The following MBNL2 variants were observed in gnomAD, a reference collection of about 807,000 sequenced individuals.
MBNL2 encodes the protein muscleblind like splicing regulator 2, also known as muscleblind-like protein 2.
A neutral mutation model predicts 41.9 loss-of-function variants in MBNL2; 17 were observed. The ratio of observed to expected loss-of-function variants is 0.41; its 90% CI spans 0.28 to 0.61. The LOEUF (loss-of-function observed/expected upper bound fraction) is 0.61. Ranked by LOEUF, MBNL2 falls within the 20% of genes least tolerant of loss-of-function variation. MBNL2 has a pLI of 0.35. For missense variants in MBNL2, 336 were observed against 505.6 expected, an observed-to-expected ratio of 0.66 and a Z score of 3.22; for synonymous variants, 195 against 182.9, an observed-to-expected ratio of 1.07 and a Z score of -0.53.
chr13:97,240,809 A>T (rs1162208216), intron 1 of MBNL2, among the ~76,000 whole-genome samples: 1 of 152,192 alleles, frequency 6.6e-6, no homozygotes, highest in Non-Finnish European at 1.5e-5. Context: ...GGAAAGTTTC[A>T]TGTAGTGCAT....
chr13:97,251,602 A>G (rs1330570589), intron 1 of MBNL2, among the ~76,000 whole-genome samples: 2 of 152,126 alleles, frequency 1.3e-5, no homozygotes, highest in African/African-American at 4.8e-5. Context: ...TCTTCTTTGC[A>G]TTGTTTTGTA....
chr13:97,280,459 A>G (rs2053146710), intron 2 of MBNL2, among the ~76,000 whole-genome samples: 1 of 152,210 alleles, frequency 6.6e-6, no homozygotes, highest in Non-Finnish European at 1.5e-5. Context: ...ATGGGGGAAA[A>G]TTGTTTAGAC....
At chr13:97,145,177 A>G in the MBNL2 span, among the ~76,000 whole-genome samples, 1 of 152,194 alleles carries the variant, frequency 6.6e-6, no homozygotes. Flanking sequence ...CCAATGAGCA[A>G]CCTGTGACGG....
chr13:97,187,260 A>G, the MBNL2 span, among the ~76,000 whole-genome samples: 1 of 152,124 alleles, frequency 6.6e-6, no homozygotes, highest in Non-Finnish European at 1.5e-5. Flanking sequence ...TTATTACCAA[A>G]AAGAAGAGAT....
At chr13:97,260,711 T>C (rs2048454250) in intron 1 of MBNL2, among the ~76,000 whole-genome samples, 1 of 152,138 alleles carries the variant, frequency 6.6e-6, no homozygotes, top group South Asian at 2.1e-4. Flanking sequence ...CATAAAACTG[T>C]ACAAAAGAGT....
At chr13:97,195,364 C>T in the MBNL2 span, among the ~76,000 whole-genome samples, 1 of 152,110 alleles carries the variant, frequency 6.6e-6, no homozygotes, top group African/African-American at 2.4e-5. Flanking sequence ...CTATTTAGAA[C>T]ATTTGTCTCT....
chr13:97,311,991 A>G (rs180810907), intron 2 of MBNL2, among the ~76,000 whole-genome samples: 50 of 152,352 alleles, frequency 3.3e-4, no homozygotes, highest in African/African-American at 1.1e-3. Flanking sequence ...CTTGGTGTTA[A>G]CTTGAATGAA....
rs373002827 is a variant in MBNL2 at position 97,343,113 on chromosome 13, C to T, written c.437C>T (p.Thr146Met). 37 of 1,613,826 alleles carry T rather than the reference C, an allele frequency of 2.3e-5. No individual in the cohort carries two copies. Among genetic ancestry groups the T allele is most frequent in the South Asian group, 1.8e-4 (16 of 91,086 alleles). Reference sequence around the variant, plus strand: ...ACCCCTGGAGTTGGGTTGGTCCCAACGGAAATTCTGCCCACCACGCCTGTT... The same window carrying T: ...ACCCCTGGAGTTGGGTTGGTCCCAATGGAAATTCTGCCCACCACGCCTGTT... The part of the protein sequence containing the change: ...PVTPGVGLVP[T>M]EILPTTPVIV... Residue 146 changes from threonine to methionine, a missense_variant, in exon 4 of 9, where the codon ACG becomes ATG. Thr to Met is a moderately conservative substitution (Grantham distance 81). Transcript: ENST00000679496.
chr13:97,310,305 G>T (rs952811090), intron 2 of MBNL2, among the ~76,000 whole-genome samples: 2 of 152,088 alleles, frequency 1.3e-5, no homozygotes, highest in African/African-American at 2.4e-5. Flanking sequence ...CCAGTGCCAA[G>T]AACATTTTCA....
chr13:97,242,998 T>G (rs1197068243), intron 1 of MBNL2, among the ~76,000 whole-genome samples: 1 of 152,190 alleles, frequency 6.6e-6, no homozygotes, highest in African/African-American at 2.4e-5. Context: ...TGCAGGCGTC[T>G]CCTTCTTGCC....
chr13:97,166,782 TGATA>T, the MBNL2 span, among the ~76,000 whole-genome samples: 45,163 of 139,634 alleles, frequency 0.32, 7,189 homozygotes, highest in Middle Eastern at 0.36. Flanking sequence ...AAACTTCCCT[TGATA>T]GATAGATAGA....
Position 97,327,560 on chromosome 13 carries a change from T to TAAA in MBNL2, c.175-6695_175-6693dup, listed in dbSNP as rs71922683. On this transcript the variant is annotated intron_variant, in intron 2 of 8. Coordinates refer to ENST00000679496, the MANE Select transcript of MBNL2 (RefSeq NM_001382683.1). ...GGCACAGACTATTATACGTTATTTG[T>TAAA]AAAAAAAAAAAAAAAAAAAAAAAGT... Among the ~76,000 whole-genome samples the TAAA allele has an allele frequency of 3.9e-3, 358 of 90,722 alleles. 29 individuals carry two copies. The highest frequency in any genetic ancestry group is 0.014 in the Middle Eastern group (2 of 138). 59.5% of individuals were successfully genotyped at this position (90,722 alleles called of 152,430 possible).
intron 2 of MBNL2, among the ~76,000 whole-genome samples, chr13:97,328,314 C>T (rs537730076): frequency 6.6e-6 from 1 of 151,912 alleles, no homozygotes; most frequent in South Asian, 2.1e-4. Flanking sequence ...ATGTGGAATG[C>T]GAGGAATTTC....
At chr13:97,258,655 C>T (rs2048014611) in intron 1 of MBNL2, among the ~76,000 whole-genome samples, 4 of 152,208 alleles carry the variant, frequency 2.6e-5, no homozygotes, top group Admixed American at 2.6e-4. Flanking sequence ...CTGAGGTCTT[C>T]TGAACCCTTG....
chr13:97,355,878 A>C (rs963945134), intron 5 of MBNL2, among the ~76,000 whole-genome samples: 1 of 152,260 alleles, frequency 6.6e-6, no homozygotes, highest in Non-Finnish European at 1.5e-5. Flanking sequence ...CTAAAAGTAC[A>C]AATAGAATTA....
At chr13:97,169,616 C>T in the MBNL2 span, among the ~76,000 whole-genome samples, 3 of 152,148 alleles carry the variant, frequency 2.0e-5, no homozygotes, top group African/African-American at 7.2e-5. Context: ...TCAGAAATGA[C>T]CACATAATAG....
At chr13:97,218,365 G>A (rs1048688891), upstream of MBNL2, among the ~76,000 whole-genome samples, 14 of 146,752 alleles carry the variant, frequency 9.5e-5, no homozygotes, top group Admixed American at 1.4e-4. Context: ...AGCCAAGATC[G>A]CGCCACTACA....
the MBNL2 span, among the ~76,000 whole-genome samples, chr13:97,170,161 T>C: frequency 6.6e-6 from 1 of 152,326 alleles, no homozygotes; most frequent in African/African-American, 2.4e-5. Context: ...TTGCCTGAGT[T>C]CATCTTAAAT....
chr13:97,271,454 AC>A (rs1018944550), intron 1 of MBNL2, among the ~76,000 whole-genome samples: 1 of 144,310 alleles, frequency 6.9e-6, no homozygotes, highest in African/African-American at 2.9e-5. Flanking sequence ...CTAAAAAAAA[AC>A]AAACAAAAAA....
Sources: gnomAD v4.1 joint callset for allele counts (sites outside exome capture counted in the v4.1 genomes callset) on GRCh38, gnomAD v4.1.1 for gene constraint, MANE v1.5 for transcripts, NCBI Gene and HGNC (gene_info 2026-07-23, HGNC 2026-07-21) for gene names.